The following AKAP6 variants were observed in gnomAD, a reference collection of about 807,000 sequenced individuals.
AKAP6 encodes the protein A-kinase anchor protein 6.
In AKAP6, 58 loss-of-function variants were observed where a neutral mutation model predicts 188.5. That is an observed-to-expected ratio of 0.31 (90% CI 0.25 to 0.38). The LOEUF (loss-of-function observed/expected upper bound fraction) is 0.38. Ranked by LOEUF, AKAP6 falls within the 10% of genes least tolerant of loss-of-function variation. The probability of loss-of-function intolerance (pLI) is 1.00; values close to 1 mark genes in which losing one functional copy is unlikely to be tolerated. For synonymous variants in AKAP6, 989 were observed against 998.6 expected (o/e 0.99, Z 0.18); for missense variants, 2,710 against 2,740.0 (o/e 0.99, Z 0.24).
chr14:32,712,931 T>C (rs2139758444), intron 9 of AKAP6, among the ~76,000 whole-genome samples: 1 of 152,042 alleles, frequency 6.6e-6, no homozygotes, highest in South Asian at 2.1e-4. Flanking sequence ...TTTCAGAAGG[T>C]TTTCAATGGA....
At chr14:32,429,466 A>C (rs984258243) in intron 1 of AKAP6, among the ~76,000 whole-genome samples, 10 of 152,246 alleles carry the variant, frequency 6.6e-5, no homozygotes, top group Non-Finnish European at 1.3e-4. Flanking sequence ...CTTTAAAATC[A>C]GATGTGATTT....
chr14:32,352,099 G>GTA (rs1295010869), intron 1 of AKAP6, among the ~76,000 whole-genome samples: 66 of 118,134 alleles, frequency 5.6e-4, no homozygotes, highest in Middle Eastern at 4.4e-3. Flanking sequence ...GTGTGTGTGT[G>GTA]TGTTTGTGTG....
rs1426403709 is a variant in AKAP6, at chr14:32,810,115, T to G, written c.3589-11287T>G. Among the ~76,000 whole-genome samples, 4 of 152,268 alleles carry G rather than the reference T, an allele frequency of 2.6e-5. No individual in the cohort carries two copies. In the East Asian group the frequency reaches 7.7e-4, roughly 29 times the overall value. ...CACTAGCAGGTCAGTGTCTTACATC[T>G]CTGTGCGATCAACTCAGTCATAGTC... On this transcript the variant is annotated intron_variant, in intron 12 of 13. Transcript: ENST00000280979.
chr14:32,616,104 A>G (rs1319275057), intron 7 of AKAP6, among the ~76,000 whole-genome samples: 1 of 152,204 alleles, frequency 6.6e-6, no homozygotes, highest in Admixed American at 6.5e-5. Context: ...AAAAAATAAC[A>G]GATGTTAGCA....
At chr14:32,369,232 G>A (rs1594548164) in intron 1 of AKAP6, among the ~76,000 whole-genome samples, 3 of 152,140 alleles carry the variant, frequency 2.0e-5, no homozygotes, top group Non-Finnish European at 4.4e-5. Flanking sequence ...ATGGATCTGA[G>A]AAGCTCTTAA....
chr14:32,627,964 A>G (rs1887095004), intron 7 of AKAP6: 2 of 152,116 alleles, frequency 1.3e-5, no homozygotes, highest in Non-Finnish European at 1.5e-5. Flanking sequence ...TCTGCCAATT[A>G]TATGGCGAAG....
intron 1 of AKAP6, among the ~76,000 whole-genome samples, chr14:32,362,711 G>A (rs1241178550): frequency 1.3e-5 from 2 of 152,136 alleles, no homozygotes; most frequent in African/African-American, 4.8e-5. Context: ...GTAGGACATG[G>A]GACTGGAGAG....
intron 2 of AKAP6, among the ~76,000 whole-genome samples, chr14:32,497,717 A>G (rs1354257329): frequency 6.6e-6 from 1 of 151,728 alleles, no homozygotes; most frequent in Non-Finnish European, 1.5e-5. Flanking sequence ...TTTCCAATCA[A>G]TTTTTGAAAG....
At chr14:32,820,065 A>G (rs2034480668) in intron 12 of AKAP6, among the ~76,000 whole-genome samples, 2 of 152,264 alleles carry the variant, frequency 1.3e-5, no homozygotes, top group African/African-American at 2.4e-5. Context: ...TGACAGTGCT[A>G]TCCCCATTTT....
chr14:32,783,648 C>T (rs1003106282), intron 12 of AKAP6, among the ~76,000 whole-genome samples: 1 of 152,086 alleles, frequency 6.6e-6, no homozygotes, highest in Non-Finnish European at 1.5e-5. Flanking sequence ...GCTAACACAT[C>T]GCACTTGATA....
chr14:32,713,517 G>C (rs757314711), intron 9 of AKAP6, among the ~76,000 whole-genome samples: 4 of 151,284 alleles, frequency 2.6e-5, no homozygotes, highest in South Asian at 4.2e-4. Flanking sequence ...CTGTTATTTC[G>C]TGTGGCCACC....
intron 4 of AKAP6, among the ~76,000 whole-genome samples, chr14:32,556,065 A>G (rs959793110): frequency 1.3e-5 from 2 of 151,960 alleles, no homozygotes; most frequent in African/African-American, 4.8e-5. Context: ...AATCCCACCA[A>G]CAGAGTACAG....
intron 1 of AKAP6, among the ~76,000 whole-genome samples, chr14:32,348,409 T>C (rs1566456197): frequency 2.2e-5 from 2 of 90,680 alleles, no homozygotes; most frequent in South Asian, 4.2e-4. Context: ...CTTTCTTTTC[T>C]TTTGTTTCTT....
chr14:32,743,171 A>G (rs1240981895), intron 11 of AKAP6, among the ~76,000 whole-genome samples: 1 of 152,028 alleles, frequency 6.6e-6, no homozygotes, highest in African/African-American at 2.4e-5. Context: ...ATTTTGTCTG[A>G]TATACACATA....
At chr14:32,356,419 C>G (rs1887487997) in intron 1 of AKAP6, among the ~76,000 whole-genome samples, 1 of 152,192 alleles carries the variant, frequency 6.6e-6, no homozygotes, top group African/African-American at 2.4e-5. Flanking sequence ...ACGTCTACAC[C>G]TGCGTTTGCT....
chr14:32,380,779 A>G (rs1045916797), intron 1 of AKAP6, among the ~76,000 whole-genome samples: 1 of 152,192 alleles, frequency 6.6e-6, no homozygotes, highest in African/African-American at 2.4e-5. Flanking sequence ...ACTCGCTACC[A>G]TTAAAACCAC....
At chr14:32,603,503 A>C (rs1398550608) in intron 7 of AKAP6, among the ~76,000 whole-genome samples, 1 of 152,200 alleles carries the variant, frequency 6.6e-6, no homozygotes, top group Non-Finnish European at 1.5e-5. Flanking sequence ...AGCATTTCTC[A>C]AAAAGAGGAC....
chr14:32,493,683 G>C (rs1880157876), intron 2 of AKAP6, among the ~76,000 whole-genome samples: 1 of 152,174 alleles, frequency 6.6e-6, no homozygotes, highest in African/African-American at 2.4e-5. Flanking sequence ...CTGGGAGTTG[G>C]TTGGGGGTAG....
chr14:32,546,514 G>A lies in AKAP6; in HGVS notation c.1861G>A (p.Val621Met), dbSNP rs375855370. 6 of 1,614,186 alleles carry A rather than the reference G, an allele frequency of 3.7e-6. No homozygotes were observed. The highest frequency in any genetic ancestry group is 3.3e-4 in the Middle Eastern group (2 of 6,062). ...TCACGTCACTAGGAATGGTGAGGTT[G>A]TGGAGGCCTGGTATGGCTCTGATGA... ...PSHVTRNGEV[V>M]EAWYGSDEYL... Residue 621 changes from valine to methionine, a missense_variant, in exon 4 of 14, where the codon GTG (valine) becomes ATG (methionine). Physicochemically the swap from Val to Met is conservative, Grantham distance 21. Coordinates refer to ENST00000280979, the MANE Select transcript of AKAP6 (RefSeq NM_004274.5).
Sources: gnomAD v4.1 joint callset for allele counts (sites outside exome capture counted in the v4.1 genomes callset) on GRCh38, gnomAD v4.1.1 for gene constraint, MANE v1.5 for transcripts, NCBI Gene and HGNC (gene_info 2026-07-23, HGNC 2026-07-21) for gene names.